Variants in RBM19 observed in about 807,000 individuals in gnomAD.
RBM19 encodes probable RNA-binding protein 19.
RBM19 carries 94 observed loss-of-function variants against 116.8 expected under a neutral mutation model. The ratio of observed to expected loss-of-function variants is 0.80; its 90% CI spans 0.68 to 0.95. The LOEUF is 0.95. Among genes scored for constraint, RBM19 ranks in the 40% least tolerant of loss-of-function variants. RBM19 has a pLI of 0.00. For missense variants in RBM19, 1,161 were observed against 1,220.7 expected (o/e 0.95, Z 0.73); for synonymous variants, 475 against 494.1 (o/e 0.96, Z 0.51).
At chr12:113,914,308 C>T (rs146040194) in intron 21 of RBM19, among the ~76,000 whole-genome samples, 76 of 152,354 alleles carry the variant, frequency 5.0e-4, no homozygotes, top group Non-Finnish European at 4.7e-4. Flanking sequence ...CTGCCGTTAC[C>T]GGCTGGGTCC....
At chr12:113,920,811 T>G in intron 18 of RBM19, 121 bp from the exon 19 acceptor site, 4 of 844,358 alleles carry the variant, frequency 4.7e-6, no homozygotes, top group Non-Finnish European at 5.8e-6. Context: ...ACCCCCTTCA[T>G]TCCCCCCAAA....
At chr12:113,946,321 T>A (rs1404391865) in intron 12 of RBM19, 33 bp downstream of exon 12, 2 of 1,613,768 alleles carry the variant, frequency 1.2e-6, no homozygotes. Flanking sequence ...AGGGTTGGGG[T>A]TGGAGCTCAG....
chr12:113,910,248 G>A (rs1271217499), intron 21 of RBM19, among the ~76,000 whole-genome samples: 3 of 152,170 alleles, frequency 2.0e-5, no homozygotes, highest in Admixed American at 6.5e-5. Flanking sequence ...TTCACCGCCT[G>A]GGCAGGGAGG....
chr12:113,846,369 A>C (rs1876974638), intron 22 of RBM19, among the ~76,000 whole-genome samples: 1 of 152,200 alleles, frequency 6.6e-6, no homozygotes, highest in Admixed American at 6.5e-5. Context: ...CCTGTCCCGC[A>C]AGAGGGGCCA....
intron 19 of RBM19, among the ~76,000 whole-genome samples, chr12:113,919,116 C>A (rs572827434): frequency 1.3e-5 from 2 of 152,172 alleles, no homozygotes; most frequent in Admixed American, 1.3e-4. Flanking sequence ...GAGTACACAG[C>A]CCCTGACCAG....
chr12:113,962,380 G>A lies in RBM19; in HGVS notation c.71C>T (p.Ala24Val), dbSNP rs138583748. 1.3e-5 allele frequency: 21 copies of A among 1,614,070 alleles called. No individual in the cohort carries two copies. The highest frequency in any genetic ancestry group is 1.7e-5 in the Admixed American group (1 of 60,010). Residue 24 changes from alanine (A) to valine (V), a missense_variant, in exon 2 of 24, where the codon GCC becomes GTC. Ala to Val is a moderately conservative substitution (Grantham distance 64). Coordinates refer to ENST00000261741, the MANE Select transcript of RBM19 (RefSeq NM_016196.4). ...KEERFRQLFA[A>V]FGTLTDCSLK... ...GCTGCAGTCTGTCAGCGTGCCGAAG[G>A]CGGCAAACAGCTGCCTGAAACGCTC...
At chr12:113,823,458 G>C (rs1046738982) in intron 23 of RBM19, 137 bp from the exon 24 acceptor site, 114 of 696,378 alleles carry the variant, frequency 1.6e-4, no homozygotes, top group Non-Finnish European at 2.1e-4. Context: ...GAACAGAAGC[G>C]AGAGAATGCA....
In RBM19 at chr12:113,927,186, T is replaced by G. The variant is rs1295569735; in HGVS notation, c.2112A>C (p.Glu704Asp). 5 of 1,583,922 alleles carry G rather than the reference T, an allele frequency of 3.2e-6. No homozygotes were observed. The highest frequency in any genetic ancestry group is 2.3e-5 in the East Asian group (1 of 43,738). ...TCTTTGCTGAAGAGTTGTCTGCTCC[T>G]TCCTCTGTTGGATTTTCATCTTCTG... ...ETPEDENPTE[E>D]GADNSSAKME... is the part of the protein sequence containing the mutation. The change falls in exon 17 of 24, where the codon GAA becomes GAC. Residue 704 changes from glutamate (E) to aspartate (D), a missense_variant. By Grantham distance (45) the Glu-to-Asp change is conservative. Transcript: ENST00000261741.
At chr12:113,958,158 C>G in intron 5 of RBM19, 108 bp from the exon 6 acceptor site, 1 of 1,505,752 alleles carries the variant, frequency 6.6e-7, no homozygotes, top group Admixed American at 2.3e-5. Flanking sequence ...GCACCATGCC[C>G]ACCGTGTCCA....
intron 21 of RBM19, among the ~76,000 whole-genome samples, chr12:113,885,747 G>A (rs905166028): frequency 2.0e-5 from 3 of 152,220 alleles, no homozygotes; most frequent in African/African-American, 7.2e-5. Flanking sequence ...TGGGGAATAT[G>A]AGTGAAGGGT....
In RBM19 at chr12:113,958,037, G is replaced by A. The variant is rs111629464; in HGVS notation, c.585C>T (p.Leu195=). Residue 195 remains leucine (L), a synonymous_variant, in exon 6 of 24, where the codon CTC becomes CTT. Coordinates refer to ENST00000261741, the MANE Select transcript of RBM19 (RefSeq NM_016196.4). The part of the protein sequence containing the change: ...AGEDLEEEAS[L]EPKAAVQKEL... ...CCTTCTGCACAGCTGCCTTTGGTTC[G>A]AGGCTTGCCTCTTCTGGAAAAACAG... 17 of 1,610,496 alleles carry A rather than the reference G, an allele frequency of 1.1e-5. No individual in the cohort carries two copies. The highest frequency in any genetic ancestry group is 8.0e-5 in the African/African-American group (6 of 74,810).
chr12:113,849,596 T>C (rs1361196226), intron 22 of RBM19, among the ~76,000 whole-genome samples: 1 of 152,194 alleles, frequency 6.6e-6, no homozygotes, highest in Non-Finnish European at 1.5e-5. Context: ...GCTCCCAACA[T>C]GCCTGGCTTG....
chr12:113,847,507 C>T (rs1453429886), intron 22 of RBM19, among the ~76,000 whole-genome samples: 1 of 151,782 alleles, frequency 6.6e-6, no homozygotes, highest in Admixed American at 6.6e-5. Context: ...AATGGCTTGA[C>T]TGGGGGAGCT....
chr12:113,905,215 A>T (rs569000947), intron 21 of RBM19, among the ~76,000 whole-genome samples: 2 of 152,248 alleles, frequency 1.3e-5, no homozygotes, highest in Non-Finnish European at 2.9e-5. Flanking sequence ...TCTATTACAA[A>T]GCCTTGGTAA....
At chr12:113,817,187 G>A (rs550533133), downstream of RBM19, 1 of 152,402 alleles carries the variant, frequency 6.6e-6, no homozygotes, top group East Asian at 1.9e-4. Flanking sequence ...AGCGGGCAGA[G>A]GCTGCTGGAA....
intron 21 of RBM19, among the ~76,000 whole-genome samples, chr12:113,913,894 C>G (rs904884203): frequency 2.6e-5 from 4 of 152,232 alleles, no homozygotes; most frequent in Non-Finnish European, 5.9e-5. Flanking sequence ...TTAGGTGAAG[C>G]TGACTTCATC....
intron 11 of RBM19, 26 bp downstream of exon 11, chr12:113,947,308 C>T (rs1320340334): frequency 6.4e-7 from 1 of 1,566,344 alleles, no homozygotes; most frequent in Admixed American, 1.7e-5. Context: ...CCACAGCCTC[C>T]TGGCCAGCCC....
At chr12:113,889,012 T>C (rs933500749) in intron 21 of RBM19, among the ~76,000 whole-genome samples, 1 of 152,196 alleles carries the variant, frequency 6.6e-6, no homozygotes. Flanking sequence ...TGGCCATGCA[T>C]GTGAAATGCC....
At chr12:113,886,763 G>A (rs1476195792) in intron 21 of RBM19, among the ~76,000 whole-genome samples, 1 of 152,166 alleles carries the variant, frequency 6.6e-6, no homozygotes, top group South Asian at 2.1e-4. Flanking sequence ...TTCTTTGGAT[G>A]GAGATCCTAT....
Sources: gnomAD v4.1 joint callset for allele counts (sites outside exome capture counted in the v4.1 genomes callset) on GRCh38, gnomAD v4.1.1 for gene constraint, MANE v1.5 for transcripts, NCBI Gene and HGNC (gene_info 2026-07-23, HGNC 2026-07-21) for gene names.